MACROD2: variants seen among roughly 807,000 people sequenced by gnomAD.
MACROD2 encodes mono-ADP ribosylhydrolase 2, also known as ADP-ribose glycohydrolase MACROD2.
A neutral mutation model predicts 70.4 loss-of-function variants in MACROD2; 36 were observed. The ratio of observed to expected loss-of-function variants is 0.51; its 90% CI spans 0.39 to 0.68. MACROD2 has a LOEUF of 0.68. Ranked by LOEUF, MACROD2 falls within the 30% of genes least tolerant of loss-of-function variation. MACROD2 has a pLI of 0.00. For missense variants in MACROD2, 496 were observed against 538.4 expected (o/e 0.92, Z 0.78); for synonymous variants, 172 against 178.8 (o/e 0.96, Z 0.30).
intron 4 of MACROD2, among the ~76,000 whole-genome samples, chr20:14,570,200 T>C (rs1316060195): frequency 6.6e-6 from 1 of 152,054 alleles, no homozygotes; most frequent in Non-Finnish European, 1.5e-5. Context: ...TACAACGGCA[T>C]GGATTAATTT....
At chr20:15,802,927 T>A (rs915667744) in intron 8 of MACROD2, among the ~76,000 whole-genome samples, 1 of 152,094 alleles carries the variant, frequency 6.6e-6, no homozygotes, top group Non-Finnish European at 1.5e-5. Context: ...AGGAAATGGA[T>A]ACTTTCCTGA....
intron 5 of MACROD2, among the ~76,000 whole-genome samples, chr20:14,722,137 C>T (rs1008884970): frequency 6.6e-6 from 1 of 152,176 alleles, no homozygotes; most frequent in Non-Finnish European, 1.5e-5. Flanking sequence ...ATAAGACTCT[C>T]ATTTTTTGAT....
At chr20:14,891,289 A>T (rs1179168041) in intron 5 of MACROD2, among the ~76,000 whole-genome samples, 1 of 152,138 alleles carries the variant, frequency 6.6e-6, no homozygotes, top group Non-Finnish European at 1.5e-5. Context: ...ACAGATAAGC[A>T]CTTTAGAAAA....
chr20:15,574,386 A>G (rs906755144), intron 8 of MACROD2, among the ~76,000 whole-genome samples: 6 of 152,160 alleles, frequency 3.9e-5, no homozygotes, highest in African/African-American at 9.7e-5. Context: ...TCTTCCTCTC[A>G]TCTTATAAGA....
intron 6 of MACROD2, among the ~76,000 whole-genome samples, chr20:15,239,460 C>T (rs888787566): frequency 2.0e-5 from 3 of 152,062 alleles, no homozygotes; most frequent in African/African-American, 7.2e-5. Flanking sequence ...CACACACAAA[C>T]ACATACCCTT....
chr20:15,182,769 C>A (rs1404149131), intron 5 of MACROD2, among the ~76,000 whole-genome samples: 2 of 152,134 alleles, frequency 1.3e-5, no homozygotes. Flanking sequence ...CATTTCTTTA[C>A]TCATTCATTT....
intron 3 of MACROD2, among the ~76,000 whole-genome samples, chr20:14,435,369 T>C (rs2084044737): frequency 6.6e-6 from 1 of 152,174 alleles, no homozygotes; most frequent in Admixed American, 6.5e-5. Flanking sequence ...AAAGACCCTT[T>C]TTCCAATTAA....
At chr20:15,460,553 G>A (rs964041234) in intron 7 of MACROD2, among the ~76,000 whole-genome samples, 1 of 152,140 alleles carries the variant, frequency 6.6e-6, no homozygotes, top group South Asian at 2.1e-4. Flanking sequence ...CCTCTAGGTT[G>A]CAATGATCAA....
chr20:15,491,532 A>G (rs975919788), intron 7 of MACROD2, among the ~76,000 whole-genome samples: 2 of 152,254 alleles, frequency 1.3e-5, no homozygotes, highest in African/African-American at 4.8e-5. Context: ...TAAAGAATGC[A>G]TTATCATGGG....
At chr20:14,417,048 A>G (rs2083814356) in intron 3 of MACROD2, among the ~76,000 whole-genome samples, 1 of 80,526 alleles carries the variant, frequency 1.2e-5, no homozygotes, top group African/African-American at 3.4e-5. Flanking sequence ...TCTATCTATT[A>G]TCTATCTATC....
intron 5 of MACROD2, among the ~76,000 whole-genome samples, chr20:15,045,686 G>A (rs2075387633): frequency 7.8e-6 from 1 of 127,842 alleles, no homozygotes; most frequent in Non-Finnish European, 1.7e-5. Flanking sequence ...GGTTTATTCT[G>A]ATGTTTCTCT....
At chr20:16,033,772 A>G (rs1053176552) in intron 15 of MACROD2, among the ~76,000 whole-genome samples, 3 of 150,726 alleles carry the variant, frequency 2.0e-5, no homozygotes, top group Non-Finnish European at 4.4e-5. Flanking sequence ...GTTAAACTTC[A>G]TCCCCTTTCA....
At chr20:15,510,443 C>T (rs1473019391) in intron 8 of MACROD2, among the ~76,000 whole-genome samples, 1 of 152,138 alleles carries the variant, frequency 6.6e-6, no homozygotes, top group Non-Finnish European at 1.5e-5. Flanking sequence ...TTGATACGGT[C>T]ATCTAGCTCA....
intron 3 of MACROD2, among the ~76,000 whole-genome samples, chr20:14,461,696 C>T (rs2084374426): frequency 6.6e-6 from 1 of 151,318 alleles, no homozygotes; most frequent in Non-Finnish European, 1.5e-5. Context: ...TGATGTTCCC[C>T]TTCGTGTGTC....
At chr20:15,020,394 G>A (rs1023040856) in intron 5 of MACROD2, among the ~76,000 whole-genome samples, 5 of 152,116 alleles carry the variant, frequency 3.3e-5, no homozygotes, top group African/African-American at 7.2e-5. Flanking sequence ...ATTTATATGA[G>A]TTTTGAAAAT....
intron 5 of MACROD2, among the ~76,000 whole-genome samples, chr20:14,694,825 T>C (rs980529921): frequency 6.6e-6 from 1 of 152,150 alleles, no homozygotes; most frequent in Non-Finnish European, 1.5e-5. Flanking sequence ...AGAAAAGGGG[T>C]ACTTTAAAAG....
chr20:14,382,909 A>G (rs2083437388), intron 3 of MACROD2, among the ~76,000 whole-genome samples: 1 of 152,184 alleles, frequency 6.6e-6, no homozygotes. Flanking sequence ...TAACTGTCGT[A>G]AAAGAAAAAA....
At chr20:15,276,524 A>G (rs1008214711) in intron 6 of MACROD2, among the ~76,000 whole-genome samples, 4 of 152,216 alleles carry the variant, frequency 2.6e-5, no homozygotes, top group African/African-American at 9.7e-5. Context: ...AAAAACAGGA[A>G]AGATGAGTAA....
chr20:15,667,282 C>T (rs752277795), intron 8 of MACROD2, among the ~76,000 whole-genome samples: 10 of 152,262 alleles, frequency 6.6e-5, no homozygotes, highest in African/African-American at 1.9e-4. Flanking sequence ...ATGATGTGCA[C>T]GCTCCCGCTT....
Sources: gnomAD v4.1 joint callset for allele counts (sites outside exome capture counted in the v4.1 genomes callset) on GRCh38, gnomAD v4.1.1 for gene constraint, MANE v1.5 for transcripts, NCBI Gene and HGNC (gene_info 2026-07-23, HGNC 2026-07-21) for gene names.